The following ARHGAP12 variants were observed in gnomAD, a reference collection of about 807,000 sequenced individuals.
ARHGAP12 encodes the protein rho GTPase-activating protein 12.
In ARHGAP12, 64 loss-of-function variants were observed where a neutral mutation model predicts 108.6. The ratio of observed to expected loss-of-function variants is 0.59; its 90% CI spans 0.48 to 0.73. ARHGAP12 has a LOEUF of 0.73. Among genes scored for constraint, ARHGAP12 ranks in the 30% least tolerant of loss-of-function variants. The pLI is 0.00. For synonymous variants in ARHGAP12, 312 were observed against 337.2 expected (o/e 0.93, Z 0.82); for missense variants, 940 against 1,005.9 (o/e 0.93, Z 0.89).
chr10:31,868,596 T>C lies in ARHGAP12; in HGVS notation c.685-6938A>G, dbSNP rs1172248641. On this transcript the variant is annotated intron_variant, in intron 3 of 19. Coordinates refer to ENST00000344936, the MANE Select transcript of ARHGAP12 (RefSeq NM_018287.7). ...AAATTCTTGGGCCACATTCCAGAGT[T>C]ACTGGGGGTGGCAAGTGGTGATAGT... 2.6e-5 allele frequency among the ~76,000 whole-genome samples: 4 copies of C among 152,100 alleles called. No individual in the cohort carries two copies. The East Asian group carries it at 7.7e-4, about 29-fold the overall frequency.
At position 31,861,444 on chromosome 10, in the gene ARHGAP12, C is replaced by A. The variant is rs761001484; in HGVS notation, c.899G>T (p.Arg300Leu). The change falls in exon 4 of 20, where the codon CGG becomes CTG. Residue 300 changes from arginine to leucine, a missense_variant. Arg to Leu is a moderately radical substitution (Grantham distance 102). Coordinates refer to ENST00000344936, the MANE Select transcript of ARHGAP12 (RefSeq NM_018287.7). ...ATCTCCTTTGCTGATGCTTGCATCC[C>A]GAGTCCAACGAGGAGGTTTCCAAGT... ...ERTWKPPRWT[R>L]DASISKGDFQ... 2 of 1,613,984 alleles carry A rather than the reference C, an allele frequency of 1.2e-6. No homozygotes were observed. The highest frequency in any genetic ancestry group is 2.7e-5 in the African/African-American group (2 of 74,906).
At chr10:31,899,652 G>A (rs1838842459) in intron 3 of ARHGAP12, among the ~76,000 whole-genome samples, 1 of 152,128 alleles carries the variant, frequency 6.6e-6, no homozygotes. Context: ...ACAAATGGTG[G>A]TGAAACAATT....
chr10:31,825,651 C>G (rs4447072), intron 11 of ARHGAP12, among the ~76,000 whole-genome samples: 2 of 151,872 alleles, frequency 1.3e-5, no homozygotes, highest in African/African-American at 4.8e-5. Context: ...GTTAAGGAGA[C>G]AATATATACA....
At chr10:31,869,274 T>C (rs1837449624) in intron 3 of ARHGAP12, among the ~76,000 whole-genome samples, 2 of 152,200 alleles carry the variant, frequency 1.3e-5, no homozygotes, top group Admixed American at 1.3e-4. Flanking sequence ...CCGTGGCTCA[T>C]GCCTGTAATG....
rs11008655 is a variant in ARHGAP12 at position 31,814,419 on chromosome 10, A to G, written c.1732-58T>C. On this transcript the variant is annotated intron_variant, in intron 13 of 19. Transcript: ENST00000344936. ...CACTTCTAGTATTACTATAGTTGGA[A>G]TGGCATAATTCTCACAATGACTATT... 4.9e-4 allele frequency: 671 copies of G among 1,357,816 alleles called. 2 individuals carry two copies. In the African/African-American group the frequency reaches 8.6e-3, roughly 17 times the overall value. The allele number at this position is 1,357,816 out of a possible 1,614,324, so 84.1% of individuals were successfully genotyped here.
intron 1 of ARHGAP12, among the ~76,000 whole-genome samples, chr10:31,917,323 T>C (rs1197391708): frequency 2.0e-5 from 3 of 151,954 alleles, no homozygotes; most frequent in Non-Finnish European, 2.9e-5. Flanking sequence ...CAGGAGAATA[T>C]CTTGAACAGG....
intron 1 of ARHGAP12, among the ~76,000 whole-genome samples, chr10:31,926,850 G>A (rs1840069205): frequency 6.6e-6 from 1 of 152,068 alleles, no homozygotes; most frequent in Non-Finnish European, 1.5e-5. Flanking sequence ...CGAAACAACT[G>A]GTATTAGCAA....
chr10:31,873,464 T>C (rs1837613401), intron 3 of ARHGAP12, among the ~76,000 whole-genome samples: 1 of 152,336 alleles, frequency 6.6e-6, no homozygotes, highest in South Asian at 2.1e-4. Flanking sequence ...ACTTGAGTTA[T>C]TCAGTCTCAC....
At chr10:31,905,636 G>A (rs1373627320) in intron 3 of ARHGAP12, among the ~76,000 whole-genome samples, 1 of 151,570 alleles carries the variant, frequency 6.6e-6, no homozygotes, top group Non-Finnish European at 1.5e-5. Context: ...AGAAAAACAT[G>A]AGCAAATGTA....
chr10:31,882,015 C>T (rs1158891997), intron 3 of ARHGAP12, among the ~76,000 whole-genome samples: 2 of 150,026 alleles, frequency 1.3e-5, no homozygotes, highest in African/African-American at 2.5e-5. Flanking sequence ...CCCGGGTTCA[C>T]GCCATTCTCC....
intron 12 of ARHGAP12, 94 bp downstream of exon 12, chr10:31,820,293 C>T: frequency 1.0e-6 from 1 of 959,140 alleles, no homozygotes; most frequent in Non-Finnish European, 1.5e-6. Context: ...CTTAACTAGT[C>T]ACAATGAAAG....
chr10:31,819,241 G>T (rs1416748485), intron 12 of ARHGAP12, among the ~76,000 whole-genome samples: 1 of 152,110 alleles, frequency 6.6e-6, no homozygotes, highest in African/African-American at 2.4e-5. Context: ...GATTGGCATG[G>T]GTTGGTGCTC....
chr10:31,863,934 T>C (rs1026838497), intron 3 of ARHGAP12, among the ~76,000 whole-genome samples: 1 of 152,128 alleles, frequency 6.6e-6, no homozygotes, highest in Non-Finnish European at 1.5e-5. Context: ...AGATAAGTTC[T>C]TCCATTAAAG....
intron 3 of ARHGAP12, among the ~76,000 whole-genome samples, chr10:31,890,256 A>C (rs2808074): frequency 0.46 from 69,945 of 151,948 alleles, 16,385 homozygotes; most frequent in Middle Eastern, 0.51. Flanking sequence ...ACATTGTCCT[A>C]AATTTTAAAA....
In ARHGAP12 at chr10:31,870,154, C is replaced by G. The variant is rs1837485061; in HGVS notation, c.685-8496G>C. The stretch of plus-strand genomic sequence containing the variant: ...TATTTTTTTAAATCCTATTTTAAAT[C>G]ATATACAGAAAAAGACATTTATGTA... On this transcript the variant is annotated intron_variant, in intron 3 of 19. Transcript: ENST00000344936. 2.0e-5 allele frequency among the ~76,000 whole-genome samples: 3 copies of G among 151,622 alleles called. No individual in the cohort carries two copies. In the South Asian group the frequency reaches 6.2e-4, roughly 31 times the overall value.
At chr10:31,852,727 T>G (rs903519824) in intron 5 of ARHGAP12, 130 bp from the exon 6 acceptor site, 7 of 370,468 alleles carry the variant, frequency 1.9e-5, no homozygotes, top group Middle Eastern at 7.8e-4. Context: ...CAACAAAAAA[T>G]TCTTTTTTTT....
chr10:31,896,391 T>A (rs1838696479), intron 3 of ARHGAP12, among the ~76,000 whole-genome samples: 1 of 151,924 alleles, frequency 6.6e-6, no homozygotes, highest in Non-Finnish European at 1.5e-5. Flanking sequence ...ATTATTGCAT[T>A]TTTAAAATAA....
At chr10:31,854,606 C>T (rs1479951010) in intron 4 of ARHGAP12, among the ~76,000 whole-genome samples, 1 of 152,158 alleles carries the variant, frequency 6.6e-6, no homozygotes, top group African/African-American at 2.4e-5. Context: ...TGAGCTCCTT[C>T]TCATGTACCA....
chr10:31,908,431 T>C lies in ARHGAP12; in HGVS notation c.425A>G (p.Gln142Arg). 2.5e-6 allele frequency: 4 copies of C among 1,614,200 alleles called. No individual in the cohort carries two copies. The highest frequency in any genetic ancestry group is 3.4e-6 in the Non-Finnish European group (4 of 1,180,024). ...ANQNFGPSYN[Q>R]GQTVNLSLDL... ...CAGGCTTAGGTTGACAGTCTGACCT[T>C]GATTATAACTGGGTCCAAAATTCTG... The change falls in exon 3 of 20, where the codon CAA becomes CGA. Residue 142 changes from glutamine to arginine, a missense_variant. Physicochemically the swap from Gln to Arg is conservative, Grantham distance 43 (BLOSUM62 1). Transcript: ENST00000344936.
Sources: gnomAD v4.1 joint callset for allele counts (sites outside exome capture counted in the v4.1 genomes callset) on GRCh38, gnomAD v4.1.1 for gene constraint, MANE v1.5 for transcripts, NCBI Gene and HGNC (gene_info 2026-07-23, HGNC 2026-07-21) for gene names.